SLC9A9: variants seen among roughly 807,000 people sequenced by gnomAD.
SLC9A9 encodes the protein sodium/hydrogen exchanger 9.
A neutral mutation model predicts 77.8 loss-of-function variants in SLC9A9; 62 were observed. The observed-to-expected ratio is 0.80, with a 90% CI of 0.65 to 0.98. The LOEUF is 0.98. Ranked by LOEUF, SLC9A9 falls within the 50% of genes least tolerant of loss-of-function variation. The probability of loss-of-function intolerance (pLI) is 0.00; values close to 1 mark genes in which losing one functional copy is unlikely to be tolerated. For missense variants in SLC9A9, 775 were observed against 774.9 expected (o/e 1.00, Z 0.00); for synonymous variants, 320 against 283.5 (o/e 1.13, Z -1.29).
chr3:143,282,757 G>C (rs1938261843), intron 14 of SLC9A9, among the ~76,000 whole-genome samples: 1 of 152,168 alleles, frequency 6.6e-6, no homozygotes, highest in African/African-American at 2.4e-5. Context: ...TGGCATCATG[G>C]AGCTCTGTTA....
chr3:143,390,569 G>T (rs758787002), intron 12 of SLC9A9, among the ~76,000 whole-genome samples: 2 of 152,222 alleles, frequency 1.3e-5, no homozygotes, highest in Non-Finnish European at 2.9e-5. Context: ...TGAGGTACCA[G>T]GTTCATCTCA....
intron 2 of SLC9A9, chr3:143,811,629 T>C: frequency 2.2e-6 from 1 of 452,704 alleles, no homozygotes; most frequent in Admixed American, 2.4e-5. Context: ...GTGGATCATT[T>C]GAGGCCAGGA....
rs1354252366 is a variant in SLC9A9, at chr3:143,271,891, G to T, written c.1605-2911C>A. ...AATGTGGAGCTGAGTCTGTTCTTCAGCATCTTGGTTTGCCCAGTGCTTGCT... is the reference window on the plus strand; with the variant it reads ...AATGTGGAGCTGAGTCTGTTCTTCATCATCTTGGTTTGCCCAGTGCTTGCT... On this transcript the variant is annotated intron_variant, in intron 14 of 15. Transcript: ENST00000316549. 2.0e-5 allele frequency among the ~76,000 whole-genome samples: 3 copies of T among 152,296 alleles called. No homozygotes were observed. The East Asian group carries it at 5.8e-4, about 29-fold the overall frequency.
chr3:143,655,708 AC>A, intron 5 of SLC9A9: 1 of 908,440 alleles, frequency 1.1e-6, no homozygotes, highest in Non-Finnish European at 1.3e-6. Flanking sequence ...ACACACACAC[AC>A]ACAAACACAC....
chr3:143,349,125 A>G (rs1559877999), intron 14 of SLC9A9, among the ~76,000 whole-genome samples: 3 of 152,172 alleles, frequency 2.0e-5, no homozygotes, highest in Admixed American at 6.5e-5. Context: ...CTACTGGCAG[A>G]CGGGAGTAAC....
Position 143,483,688 on chromosome 3 carries a change from C to A in SLC9A9, c.1315+9965G>T, listed in dbSNP as rs1205994114. Among the ~76,000 whole-genome samples the A allele has an allele frequency of 2.6e-5, 4 of 152,304 alleles. No individual in the cohort carries two copies. The East Asian group carries it at 7.7e-4, about 29-fold the overall frequency. ...GGATCCTAAAGCTTAAGTTTATTAA[C>A]TTCACAGAGAATCCACTTCTGCTTG... On this transcript the variant is annotated intron_variant, in intron 11 of 15. Coordinates refer to ENST00000316549, the MANE Select transcript of SLC9A9 (RefSeq NM_173653.4).
At chr3:143,778,731 A>C (rs2007777490) in intron 4 of SLC9A9, among the ~76,000 whole-genome samples, 1 of 152,190 alleles carries the variant, frequency 6.6e-6, no homozygotes, top group Non-Finnish European at 1.5e-5. Flanking sequence ...TTCCAAGAGG[A>C]AAACCAATTT....
intron 2 of SLC9A9, among the ~76,000 whole-genome samples, chr3:143,815,860 A>G (rs534406305): frequency 3.8e-4 from 58 of 152,212 alleles, no homozygotes; most frequent in African/African-American, 1.4e-3. Flanking sequence ...GCAAGATTCC[A>G]TCTCAAAAAA....
chr3:143,280,027 C>T (rs1383415793), intron 14 of SLC9A9, among the ~76,000 whole-genome samples: 3 of 152,102 alleles, frequency 2.0e-5, no homozygotes, highest in Admixed American at 6.5e-5. Context: ...TGTCATGTTG[C>T]CCAGGCTGGT....
Position 143,350,424 on chromosome 3 carries a change from C to T in SLC9A9, c.1604+13060G>A, listed in dbSNP as rs754972893. Among the ~76,000 whole-genome samples, 104 of 152,186 alleles carry T rather than the reference C, an allele frequency of 6.8e-4. 1 individual carries two copies. The highest frequency in any genetic ancestry group is 1.5e-4 in the Non-Finnish European group (10 of 68,044). On this transcript the variant is annotated intron_variant, in intron 14 of 15. Transcript: ENST00000316549. ...CATTATTTACTGAGTCAAATCCAGA[C>T]ACCTTCACCTGATACTCAAAATCTT...
At chr3:143,531,931 G>A (rs1031652526) in intron 9 of SLC9A9, among the ~76,000 whole-genome samples, 6 of 152,104 alleles carry the variant, frequency 3.9e-5, no homozygotes, top group Non-Finnish European at 1.5e-5. Flanking sequence ...TCTATCCTGA[G>A]GATACAATGG....
chr3:143,636,506 G>T (rs960153965), intron 6 of SLC9A9, among the ~76,000 whole-genome samples: 1 of 152,004 alleles, frequency 6.6e-6, no homozygotes, highest in Non-Finnish European at 1.5e-5. Flanking sequence ...GGGGTACAGG[G>T]GCAGATTTAT....
At chr3:143,794,528 T>A (rs796987937) in intron 4 of SLC9A9, among the ~76,000 whole-genome samples, 1 of 152,214 alleles carries the variant, frequency 6.6e-6, no homozygotes, top group African/African-American at 2.4e-5. Context: ...TGAAAAGCTA[T>A]CCCTGTATTA....
intron 5 of SLC9A9, among the ~76,000 whole-genome samples, chr3:143,684,099 T>C (rs1335557157): frequency 6.6e-6 from 1 of 152,084 alleles, no homozygotes; most frequent in Non-Finnish European, 1.5e-5. Context: ...GTGAGTCAGA[T>C]AAAATGAAGA....
chr3:143,750,365 C>T (rs73154726), intron 4 of SLC9A9, among the ~76,000 whole-genome samples: 2,247 of 152,302 alleles, frequency 0.015, 29 homozygotes, highest in Non-Finnish European at 0.023. Flanking sequence ...AATTCTCTTG[C>T]ATTATATTTT....
At chr3:143,611,754 G>C (rs1165838711) in intron 6 of SLC9A9, among the ~76,000 whole-genome samples, 2 of 152,066 alleles carry the variant, frequency 1.3e-5, no homozygotes, top group Non-Finnish European at 2.9e-5. Flanking sequence ...TTATTTTTGA[G>C]ACAGGGTCTC....
At chr3:143,806,965 A>T (rs2008733981) in intron 2 of SLC9A9, among the ~76,000 whole-genome samples, 1 of 152,212 alleles carries the variant, frequency 6.6e-6, no homozygotes, top group African/African-American at 2.4e-5. Context: ...TCTTGGCTTC[A>T]TGTTTTACTC....
intron 14 of SLC9A9, among the ~76,000 whole-genome samples, chr3:143,349,138 G>T (rs191859981): frequency 3.9e-5 from 6 of 152,284 alleles, no homozygotes; most frequent in African/African-American, 9.6e-5. Flanking sequence ...GGAGTAACAC[G>T]CATGTAGCAG....
At chr3:143,779,849 A>G (rs2007815544) in intron 4 of SLC9A9, among the ~76,000 whole-genome samples, 1 of 152,238 alleles carries the variant, frequency 6.6e-6, no homozygotes, top group African/African-American at 2.4e-5. Flanking sequence ...CTATGTATGC[A>G]GTAAGGTCTT....
Sources: gnomAD v4.1 joint callset for allele counts (sites outside exome capture counted in the v4.1 genomes callset) on GRCh38, gnomAD v4.1.1 for gene constraint, MANE v1.5 for transcripts, NCBI Gene and HGNC (gene_info 2026-07-23, HGNC 2026-07-21) for gene names.